PRKN: variants seen among roughly 807,000 people sequenced by gnomAD.
PRKN encodes E3 ubiquitin-protein ligase parkin.
PRKN carries 56 observed loss-of-function variants against 59.5 expected under a neutral mutation model. The observed-to-expected ratio is 0.94, with a 90% CI of 0.76 to 1.18. The LOEUF is 1.18. Ranked by LOEUF, PRKN falls within the 50% of genes most tolerant of loss-of-function variation. The pLI is 0.00. For missense variants in PRKN, 657 were observed against 596.4 expected, an observed-to-expected ratio of 1.10 and a Z score of -1.06; for synonymous variants, 250 against 222.1, an observed-to-expected ratio of 1.13 and a Z score of -1.12.
At chr6:161,937,497 C>T (rs1041008593) in intron 6 of PRKN, among the ~76,000 whole-genome samples, 3 of 152,192 alleles carry the variant, frequency 2.0e-5, no homozygotes, top group East Asian at 1.9e-4. Flanking sequence ...CTTTAAGGTA[C>T]AGACCACAGC....
intron 7 of PRKN, among the ~76,000 whole-genome samples, chr6:161,733,781 A>ATATATATATATATATGTATATATATAT (rs1380552060): frequency 8.1e-5 from 6 of 74,064 alleles, no homozygotes; most frequent in African/African-American, 1.3e-4. Context: ...AAAAAAAAAA[A>ATATATATATATATATGTATATATATAT]AAATATATAT....
In PRKN at chr6:161,973,316, C is replaced by G. The variant is rs769882260; in HGVS notation, c.720G>C (p.Thr240=). ...TAGATCCTTACCTGACGTCTGTGCA[C>G]GTAATGCAAGTGATGTTCCGACTAT... is the stretch of plus-strand genomic sequence containing the variant. The part of the protein sequence containing the change: ...ATNSRNITCI[T]CTDVRSPVLV... The change falls in exon 6 of 12, where the codon ACG becomes ACC. Residue 240 remains threonine, a synonymous_variant. Coordinates refer to ENST00000366898, the MANE Select transcript of PRKN (RefSeq NM_004562.3). The G allele has an allele frequency of 3.7e-6, 6 of 1,610,296 alleles. No homozygotes were observed. Among genetic ancestry groups the G allele is most frequent in the East Asian group, 4.5e-5 (2 of 44,852 alleles).
rs869148690 is a variant in PRKN at position 161,902,564 on chromosome 6, ATTTT to A, written c.734+70734_734+70737del. On this transcript the variant is annotated intron_variant, in intron 6 of 11. Transcript: ENST00000366898. ...TATCTATCTATTTATTTATTTATTT[ATTTT>A]TTTTTTTTTGCGACAGAGTCTTGCT... Among the ~76,000 whole-genome samples the A allele has an allele frequency of 1.2e-3, 137 of 112,052 alleles. 1 individual carries two copies. Among genetic ancestry groups the A allele is most frequent in the South Asian group, 0.012 (41 of 3,422 alleles). The allele number at this position is 112,052 out of a possible 152,430, so 73.5% of individuals were successfully genotyped here. A position where few individuals can be genotyped will look rare whatever the true frequency, so the allele number is the denominator to read the frequency against.
chr6:162,611,406 A>T (rs1344640453), intron 1 of PRKN, among the ~76,000 whole-genome samples: 1 of 152,222 alleles, frequency 6.6e-6, no homozygotes, highest in South Asian at 2.1e-4. Context: ...ACAACATACA[A>T]CTAGCAGAAC....
intron 7 of PRKN, among the ~76,000 whole-genome samples, chr6:161,713,002 A>G (rs1260783026): frequency 6.6e-6 from 1 of 152,162 alleles, no homozygotes; most frequent in East Asian, 1.9e-4. Context: ...GCTCAGCCCC[A>G]CAAGACTAGA....
At chr6:161,500,439 C>A (rs1777919478) in intron 9 of PRKN, among the ~76,000 whole-genome samples, 1 of 152,150 alleles carries the variant, frequency 6.6e-6, no homozygotes, top group Non-Finnish European at 1.5e-5. Context: ...GTCCTGAAAA[C>A]CCTCAGTGCT....
At chr6:161,726,854 G>C (rs1300509608) in intron 7 of PRKN, among the ~76,000 whole-genome samples, 1 of 152,144 alleles carries the variant, frequency 6.6e-6, no homozygotes, top group Admixed American at 6.5e-5. Flanking sequence ...ATCTAGGCTT[G>C]TATTCTTTCA....
Position 161,526,971 on chromosome 6 carries a change from T to C in PRKN, c.1083+21883A>G, listed in dbSNP as rs1269872753. Among the ~76,000 whole-genome samples, 1 of 151,952 alleles carries C rather than the reference T, an allele frequency of 6.6e-6. No individual in the cohort carries two copies. ...GTTATGGAAAGGTGAGGGGAGGAAA[T>C]GTATGATGAACAAAGGCTATCTTGT... On this transcript the variant is annotated intron_variant, in intron 9 of 11. Coordinates refer to ENST00000366898, the MANE Select transcript of PRKN (RefSeq NM_004562.3). This position sits in a 1 kb window ranked among gnomAD's most constrained non-coding sequence, Gnocchi z 4.1.
intron 1 of PRKN, among the ~76,000 whole-genome samples, chr6:162,465,024 T>G (rs1338384257): frequency 6.6e-6 from 1 of 152,144 alleles, no homozygotes; most frequent in Non-Finnish European, 1.5e-5. Context: ...AACATATCCC[T>G]ATTCTGCAAC....
At position 161,529,960 on chromosome 6, in the gene PRKN, T is replaced by C. The variant is rs1401008457; in HGVS notation, c.1083+18894A>G. 2.6e-5 allele frequency among the ~76,000 whole-genome samples: 4 copies of C among 152,088 alleles called. No homozygotes were observed. The highest frequency in any genetic ancestry group is 4.4e-5 in the Non-Finnish European group (3 of 68,032). On this transcript the variant is annotated intron_variant, in intron 9 of 11. Transcript: ENST00000366898. The surrounding 1 kb of genome is among the most constrained non-coding windows in gnomAD (Gnocchi z 4.4). ...AACACAGGAACATTAATCTACTTTGTAGAGTAGTGAAACTTATTGAGCATG... is the reference window on the plus strand; with the variant it reads ...AACACAGGAACATTAATCTACTTTGCAGAGTAGTGAAACTTATTGAGCATG...
At chr6:161,979,657 C>A (rs1583435106) in intron 5 of PRKN, among the ~76,000 whole-genome samples, 1 of 152,192 alleles carries the variant, frequency 6.6e-6, no homozygotes. Flanking sequence ...CATGCTTTTA[C>A]CATTTCTCTG....
At position 161,457,181 on chromosome 6, in the gene PRKN, T is replaced by C. The variant is rs572014757; in HGVS notation, c.1084-70304A>G. ...CCCAGTTTTACCAAAGTTAAACCCA[T>C]GAGATTTTGTAATAAAGCCAAGGCT... On this transcript the variant is annotated intron_variant, in intron 9 of 11. Transcript: ENST00000366898. This position sits in a 1 kb window ranked among gnomAD's most constrained non-coding sequence, Gnocchi z 5.0. Among the ~76,000 whole-genome samples, 1 of 152,292 alleles carries C rather than the reference T, an allele frequency of 6.6e-6. No homozygotes were observed. The highest frequency in any genetic ancestry group is 1.9e-4 in the East Asian group (1 of 5,186).
chr6:161,655,817 A>T (rs1392205094), intron 7 of PRKN, among the ~76,000 whole-genome samples: 1 of 150,506 alleles, frequency 6.6e-6, no homozygotes, highest in East Asian at 1.9e-4. Context: ...ACACATGTTG[A>T]TTATTGATTT....
chr6:161,401,508 G>A lies in PRKN; in HGVS notation c.1084-14631C>T, dbSNP rs1198337525. ...GACGCCTGTAATCCCAGCTACTCAG[G>A]AGGCTGAGGCAGGAGAATTGCTTGA... On this transcript the variant is annotated intron_variant, in intron 9 of 11. Coordinates refer to ENST00000366898, the MANE Select transcript of PRKN (RefSeq NM_004562.3). This position sits in a 1 kb window ranked among gnomAD's most constrained non-coding sequence, Gnocchi z 4.4. Among the ~76,000 whole-genome samples, 1 of 152,032 alleles carries A rather than the reference G, an allele frequency of 6.6e-6. No individual in the cohort carries two copies. Among genetic ancestry groups the A allele is most frequent in the Non-Finnish European group, 1.5e-5 (1 of 68,030 alleles).
chr6:161,840,823 T>C (rs1416437189), intron 6 of PRKN, among the ~76,000 whole-genome samples: 1 of 152,130 alleles, frequency 6.6e-6, no homozygotes. Flanking sequence ...CCACATGGTA[T>C]ATACGTACCA....
At chr6:161,973,083 C>G (rs1161133002) in intron 6 of PRKN, among the ~76,000 whole-genome samples, 1 of 152,168 alleles carries the variant, frequency 6.6e-6, no homozygotes, top group Non-Finnish European at 1.5e-5. Flanking sequence ...CCTACTTAAA[C>G]TAAGTCACTG....
chr6:161,915,634 T>C (rs1453011661), intron 6 of PRKN, among the ~76,000 whole-genome samples: 2 of 152,230 alleles, frequency 1.3e-5, no homozygotes, highest in Non-Finnish European at 2.9e-5. Context: ...ACATTTTCAT[T>C]ACCTACATCA....
Position 161,545,865 on chromosome 6 carries a change from G to C in PRKN, c.1083+2989C>G, listed in dbSNP as rs1304305237. Among the ~76,000 whole-genome samples, 1 of 152,198 alleles carries C rather than the reference G, an allele frequency of 6.6e-6. No individual in the cohort carries two copies. Among genetic ancestry groups the C allele is most frequent in the East Asian group, 1.9e-4 (1 of 5,186 alleles). ...AGATCAGACTTGAATAGTCACCATG[G>C]TTCCTTGTGGAAAAGTCTGTTGGGA... On this transcript the variant is annotated intron_variant, in intron 9 of 11. Transcript: ENST00000366898. This position sits in a 1 kb window ranked among gnomAD's most constrained non-coding sequence, Gnocchi z 4.1.
chr6:162,495,995 T>C (rs1426846011), intron 1 of PRKN, among the ~76,000 whole-genome samples: 1 of 152,182 alleles, frequency 6.6e-6, no homozygotes, highest in South Asian at 2.1e-4. Context: ...CACAGCACTT[T>C]GGAAGGCCAA....
Sources: allele counts gnomAD v4.1 joint callset (sites outside exome capture counted in the v4.1 genomes callset), GRCh38; gene constraint gnomAD v4.1.1; non-coding constraint Gnocchi (gnomAD v3.1); transcripts MANE v1.5; gene names NCBI Gene and HGNC (gene_info 2026-07-23, HGNC 2026-07-21).